The following LGALS8 variants were observed in gnomAD, a reference collection of about 807,000 sequenced individuals.
The protein encoded by LGALS8 is galectin 8, also known as galectin-8.
In LGALS8, 30 loss-of-function variants were observed where a neutral mutation model predicts 35.9. The ratio of observed to expected loss-of-function variants is 0.83; its 90% CI spans 0.62 to 1.13. The LOEUF (loss-of-function observed/expected upper bound fraction) is 1.13. Among genes scored for constraint, LGALS8 ranks in the 50% most tolerant of loss-of-function variants. LGALS8 has a pLI of 0.00. For synonymous variants in LGALS8, 138 were observed against 136.1 expected, an observed-to-expected ratio of 1.01 and a Z score of -0.10; for missense variants, 366 against 388.7, an observed-to-expected ratio of 0.94 and a Z score of 0.49.
chr1:236,537,808 G>T (rs892492773), intron 3 of LGALS8, among the ~76,000 whole-genome samples: 23 of 151,466 alleles, frequency 1.5e-4, no homozygotes, highest in Non-Finnish European at 2.9e-4. Context: ...TAAAAAATTA[G>T]AACTATCAGC....
At chr1:236,539,978 A>AGGGAG (rs35867648) in intron 4 of LGALS8, 5 of 151,274 alleles carry the variant, frequency 3.3e-5, no homozygotes, top group African/African-American at 9.8e-5. Context: ...AGAGGGAGGG[A>AGGGAG]GGAGGAGCCT....
rs914045166 is a variant in LGALS8 at position 236,523,987 on chromosome 1, A to G, written c.-178A>G. On this transcript the variant is annotated 5_prime_UTR_variant, in exon 1 of 10. Transcript: ENST00000366584. The stretch of plus-strand genomic sequence containing the variant: ...TCCCGTAGCCGCCCACGGACGCCAG[A>G]GCCGGGAACCCTGACGGCACTTAGC... The G allele has an allele frequency of 2.6e-5, 10 of 386,510 alleles. No individual in the cohort carries two copies. Among genetic ancestry groups the G allele is most frequent in the African/African-American group, 1.2e-4 (6 of 48,110 alleles). The allele number at this position is 386,510 out of a possible 1,614,324, so 23.9% of individuals were successfully genotyped here. A position where few individuals can be genotyped will look rare whatever the true frequency, so the allele number is the denominator to read the frequency against.
In LGALS8 at chr1:236,548,582, G is replaced by A. The variant is rs1041940; in HGVS notation, c.*421G>A. 4 of 267,888 alleles carry A rather than the reference G, an allele frequency of 1.5e-5. No homozygotes were observed. The highest frequency in any genetic ancestry group is 2.8e-5 in the Non-Finnish European group (4 of 144,238). 16.6% of individuals were successfully genotyped at this position (267,888 alleles called of 1,614,324 possible). ...CTCTTGAGCTTCGACTCTTCTGTGC[G>A]CTACTGCTGCGCACTGCTTTTTCTA... On this transcript the variant is annotated 3_prime_UTR_variant, in exon 10 of 10. Coordinates refer to ENST00000366584, the MANE Select transcript of LGALS8 (RefSeq NM_201544.4).
intron 4 of LGALS8, chr1:236,540,160 GGT>G (rs920490360): frequency 1.0e-4 from 18 of 175,652 alleles, no homozygotes; most frequent in African/African-American, 4.0e-4. Context: ...CTGCCACATG[GGT>G]GGTCTCCAGG....
chr1:236,529,143 G>C (rs1660999893), intron 2 of LGALS8, among the ~76,000 whole-genome samples: 1 of 152,062 alleles, frequency 6.6e-6, no homozygotes, highest in South Asian at 2.1e-4. Flanking sequence ...TGGGGATTGT[G>C]GCGCATGTCT....
At chr1:236,539,147 T>G (rs12744425) in intron 4 of LGALS8, 58 bp downstream of exon 4, 848,827 of 1,338,698 alleles carry the variant, frequency 0.63, 275,938 homozygotes, top group Non-Finnish European at 0.68. Context: ...TGCACAGGGG[T>G]GCTTTTCACA....
In LGALS8 at chr1:236,552,964, T is replaced by C. The variant is rs1200897548; in HGVS notation, c.*4803T>C. 1.3e-5 allele frequency: 2 copies of C among 152,372 alleles called. No individual in the cohort carries two copies. The highest frequency in any genetic ancestry group is 2.9e-5 in the Non-Finnish European group (2 of 68,030). 9.4% of individuals were successfully genotyped at this position (152,372 alleles called of 1,614,324 possible). A position where few individuals can be genotyped will look rare whatever the true frequency, so the allele number is the denominator to read the frequency against. ...TATCCTAATAAAGAATTTGAACTAA[T>C]AAATCCTATTAATAAAATTCTGCTT... On this transcript the variant is annotated 3_prime_UTR_variant, in exon 10 of 10. Transcript: ENST00000366584.
chr1:236,544,091 C>T (rs1379524828), intron 8 of LGALS8, among the ~76,000 whole-genome samples: 3 of 151,894 alleles, frequency 2.0e-5, no homozygotes, highest in Non-Finnish European at 2.9e-5. Context: ...GGATTACAGG[C>T]GCACCACCAC....
intron 1 of LGALS8, chr1:236,524,753 G>A: frequency 4.6e-6 from 1 of 216,670 alleles, no homozygotes; most frequent in Non-Finnish European, 9.6e-6. Context: ...ATGGCAACTC[G>A]GCATCCATTC....
chr1:236,543,837 G>A (rs1662186408), intron 8 of LGALS8, among the ~76,000 whole-genome samples, 189 bp downstream of exon 8: 1 of 152,066 alleles, frequency 6.6e-6, no homozygotes, highest in Non-Finnish European at 1.5e-5. Flanking sequence ...CTAAGGCCGT[G>A]TTCTGACCTC....
chr1:236,529,634 T>TCC (rs1661032701), intron 2 of LGALS8, among the ~76,000 whole-genome samples: 1 of 127,640 alleles, frequency 7.8e-6, no homozygotes, highest in Non-Finnish European at 1.6e-5. Flanking sequence ...TTTTTTTTTT[T>TCC]TTTCTTTCTT....
intron 9 of LGALS8, 48 bp from the exon 10 acceptor site, chr1:236,547,964 A>T: frequency 6.4e-7 from 1 of 1,555,662 alleles, no homozygotes; most frequent in East Asian, 2.2e-5. Flanking sequence ...CAAACACAAA[A>T]TTTTAAACTA....
In LGALS8 at chr1:236,535,290, TTC is replaced by T. The variant is rs1313601449; in HGVS notation, c.46-2203_46-2202del. Among the ~76,000 whole-genome samples, 7 of 152,164 alleles carry T rather than the reference TTC, an allele frequency of 4.6e-5. No individual in the cohort carries two copies. In the East Asian group the frequency reaches 7.7e-4, roughly 17 times the overall value. On this transcript the variant is annotated intron_variant, in intron 2 of 9. Transcript: ENST00000366584. ...CATTTTTGTCTGATTTCTTTAGTGT[TTC>T]TCTTTTTCTTTTTTTAATTTTTAAT...
intron 2 of LGALS8, among the ~76,000 whole-genome samples, chr1:236,534,060 G>A (rs368324414): frequency 9.9e-5 from 15 of 152,030 alleles, no homozygotes; most frequent in African/African-American, 1.2e-4. Context: ...TGAATACTGC[G>A]TCATTGTGGC....
At chr1:236,540,807 AT>A (rs1354571799) in intron 5 of LGALS8, 124 bp downstream of exon 5, 3 of 1,033,256 alleles carry the variant, frequency 2.9e-6, no homozygotes, top group African/African-American at 3.3e-5. Flanking sequence ...TGTAGTATTA[AT>A]TTTTTGGAAG....
chr1:236,523,723 A>G (rs2103061825), upstream of LGALS8: 1 of 252,940 alleles, frequency 4.0e-6, no homozygotes. Flanking sequence ...TCCACCCAGG[A>G]CACATTCTTT....
Position 236,526,865 on chromosome 1 carries a change from G to A in LGALS8, c.45+750G>A, listed in dbSNP as rs1303416739. 6.6e-6 allele frequency among the ~76,000 whole-genome samples: 1 copy of A among 152,152 alleles called. No homozygotes were observed. The highest frequency in any genetic ancestry group is 1.5e-5 in the Non-Finnish European group (1 of 68,038). On this transcript the variant is annotated intron_variant, in intron 2 of 9. Coordinates refer to ENST00000366584, the MANE Select transcript of LGALS8 (RefSeq NM_201544.4). The surrounding 1 kb of genome is among the most constrained non-coding windows in gnomAD (Gnocchi z 4.6). ...GGCCCTAAACCAGTTTTGTTAGTGT[G>A]TGTGGGTTCAAGTTTTTGTCATTTA...
intron 9 of LGALS8, among the ~76,000 whole-genome samples, chr1:236,545,514 A>C (rs1186071756): frequency 1.3e-5 from 2 of 152,204 alleles, no homozygotes; most frequent in African/African-American, 4.8e-5. Flanking sequence ...GGCCAGCCTC[A>C]ATCACCAGCT....
At position 236,527,471 on chromosome 1, in the gene LGALS8, T is replaced by C. The variant is rs1389353184; in HGVS notation, c.45+1356T>C. On this transcript the variant is annotated intron_variant, in intron 2 of 9. Coordinates refer to ENST00000366584, the MANE Select transcript of LGALS8 (RefSeq NM_201544.4). ...GAGGATAATGCATTTCCAAGGGAGA[T>C]ATTTTTGGCAAATAGCTTTTTTTTC... is the stretch of plus-strand genomic sequence containing the variant. Among the ~76,000 whole-genome samples, 5 of 152,240 alleles carry C rather than the reference T, an allele frequency of 3.3e-5. No homozygotes were observed. In the East Asian group the frequency reaches 5.8e-4, roughly 18 times the overall value.
Sources: allele counts gnomAD v4.1 joint callset (sites outside exome capture counted in the v4.1 genomes callset), GRCh38; gene constraint gnomAD v4.1.1; non-coding constraint Gnocchi (gnomAD v3.1); transcripts MANE v1.5; gene names NCBI Gene and HGNC (gene_info 2026-07-23, HGNC 2026-07-21).